Variants in VNN1 observed in about 807,000 individuals in gnomAD.
VNN1 encodes pantetheinase.
VNN1 carries 29 observed loss-of-function variants against 41.9 expected under a neutral mutation model. That is an observed-to-expected ratio of 0.69 (90% CI 0.52 to 0.94). The LOEUF is 0.94. VNN1 is among the 40% of genes least tolerant of loss of function. The pLI, the probability that VNN1 is intolerant of heterozygous loss-of-function variation, is 0.00. For synonymous variants in VNN1, 233 were observed against 224.4 expected (o/e 1.04, Z -0.34); for missense variants, 637 against 621.1 (o/e 1.03, Z -0.27).
intron 3 of VNN1, among the ~76,000 whole-genome samples, chr6:132,693,622 A>G (rs567983649): frequency 2.0e-5 from 3 of 152,298 alleles, no homozygotes; most frequent in East Asian, 3.9e-4. Flanking sequence ...CTTGGCAAGG[A>G]ACTTTGTTTG....
intron 1 of VNN1, 81 bp from the exon 2 acceptor site, chr6:132,711,920 G>A: frequency 6.7e-7 from 1 of 1,489,036 alleles, no homozygotes; most frequent in South Asian, 1.3e-5. Context: ...AACTATTTGG[G>A]CTTCCCCCAC....
chr6:132,685,909 G>A (rs1198547479), intron 5 of VNN1, among the ~76,000 whole-genome samples: 1 of 152,142 alleles, frequency 6.6e-6, no homozygotes, highest in African/African-American at 2.4e-5. Context: ...GGGATTACCT[G>A]AATAAATAAC....
intron 5 of VNN1, among the ~76,000 whole-genome samples, chr6:132,690,065 C>G (rs781742470): frequency 6.6e-5 from 10 of 152,184 alleles, no homozygotes; most frequent in Non-Finnish European, 1.5e-4. Context: ...AGACTCCATG[C>G]CCTGCTTTTA....
Position 132,683,094 on chromosome 6 carries a change from T to C in VNN1, c.*46A>G, listed in dbSNP as rs1163633390. On this transcript the variant is annotated 3_prime_UTR_variant, in exon 7 of 7. Coordinates refer to ENST00000367928, the MANE Select transcript of VNN1 (RefSeq NM_004666.3). ...GGACCAATCTTTCTTTTCTCATCCA[T>C]CATTTTTTAAATTATCCCAAATAAA... 1 of 1,535,694 alleles carries C rather than the reference T, an allele frequency of 6.5e-7. No individual in the cohort carries two copies. The highest frequency in any genetic ancestry group is 1.4e-5 in the African/African-American group (1 of 71,838).
At chr6:132,699,509 AGTTT>A (rs1241235732) in intron 2 of VNN1, 1 of 162,838 alleles carries the variant, frequency 6.1e-6, no homozygotes, top group Non-Finnish European at 1.4e-5. Context: ...TTCTGGAAAG[AGTTT>A]GTATCCAAGT....
chr6:132,694,497 A>G (rs1778339184), intron 2 of VNN1, among the ~76,000 whole-genome samples: 1 of 152,186 alleles, frequency 6.6e-6, no homozygotes, highest in African/African-American at 2.4e-5. Flanking sequence ...TCCTGTGGAT[A>G]TCATAGATCA....
chr6:132,694,118 C>G lies in VNN1; in HGVS notation c.406G>C (p.Val136Leu), dbSNP rs45610032. The G allele has an allele frequency of 1.5e-3, 2,360 of 1,614,028 alleles. 23 individuals are homozygous for G. In the African/African-American group the frequency reaches 0.026, roughly 17 times the overall value. Reference protein sequence around the residue: ...CLAKNNSIYVVANIGDKKPCD... With the variant: ...CLAKNNSIYVLANIGDKKPCD... ...GGCTTCTTGTCCCCAATATTTGCCA[C>G]AACATAGATAGAGTTGTTCTTGGCC... The change falls in exon 3 of 7, where the codon GTG (valine) becomes CTG (leucine). Residue 136 changes from valine (V) to leucine (L), a missense_variant. By Grantham distance (32) the Val-to-Leu change is conservative. Coordinates refer to ENST00000367928, the MANE Select transcript of VNN1 (RefSeq NM_004666.3).
rs189656897 is a variant in VNN1 at position 132,708,476 on chromosome 6, C to T, written c.341+3233G>A. Among the ~76,000 whole-genome samples the T allele has an allele frequency of 4.6e-3, 698 of 152,236 alleles. 5 individuals carry two copies. Among genetic ancestry groups the T allele is most frequent in the African/African-American group, 0.01 (422 of 41,536 alleles). ...AAGTGATGAGAGCCTGTTCCTTTAA[C>T]GCTCAGTCTAAGAGGTGATGTAGGT... On this transcript the variant is annotated intron_variant, in intron 2 of 6. Transcript: ENST00000367928.
intron 2 of VNN1, among the ~76,000 whole-genome samples, chr6:132,694,705 A>C (rs1319692100): frequency 2.6e-5 from 4 of 151,896 alleles, no homozygotes. Context: ...AAATGAAAAA[A>C]AAAAAAAATA....
intron 4 of VNN1, 123 bp from the exon 5 acceptor site, chr6:132,692,707 T>A: frequency 7.7e-7 from 1 of 1,304,796 alleles, no homozygotes; most frequent in South Asian, 1.8e-5. Flanking sequence ...GTTTTATTAA[T>A]TTCAGTAAAA....
Position 132,692,320 on chromosome 6 carries a change from T to C in VNN1, c.1091A>G (p.His364Arg). 1 of 1,614,230 alleles carries C rather than the reference T, an allele frequency of 6.2e-7. No individual in the cohort carries two copies. Among genetic ancestry groups the C allele is most frequent in the Non-Finnish European group, 8.5e-7 (1 of 1,180,020 alleles). Residue 364 changes from histidine to arginine, a missense_variant, in exon 5 of 7, where the codon CAT becomes CGT. Coordinates refer to ENST00000367928, the MANE Select transcript of VNN1 (RefSeq NM_004666.3). ...YTVCQKDLCC[H>R]LSYKMSENIP... ...GTTCTCAGACATTTTGTAGCTTAAA[T>C]GACAGCAGAGATCTTTCTGACAAAC... is the stretch of plus-strand genomic sequence containing the variant.
Position 132,693,368 on chromosome 6 carries a change from G to A in VNN1, c.535-53C>T, listed in dbSNP as rs184588944. ...AAAATTATTTTAGGAAGTTGATCTG[G>A]ACATCACAGTGTGGGAAAAAGTACA... On this transcript the variant is annotated intron_variant, in intron 3 of 6. Coordinates refer to ENST00000367928, the MANE Select transcript of VNN1 (RefSeq NM_004666.3). The A allele has an allele frequency of 1.3e-4, 201 of 1,494,042 alleles. No individual in the cohort carries two copies. The African/African-American group carries it at 2.7e-3, about 20-fold the overall frequency. 92.5% of individuals were successfully genotyped at this position (1,494,042 alleles called of 1,614,324 possible).
chr6:132,698,342 T>C (rs2267949), intron 2 of VNN1, among the ~76,000 whole-genome samples: 5,821 of 152,304 alleles, frequency 0.038, 191 homozygotes, highest in South Asian at 0.098. Context: ...ACATGTTAAA[T>C]ATTCAACAAA....
chr6:132,700,346 C>G (rs2840825), intron 2 of VNN1, among the ~76,000 whole-genome samples: 1 of 151,876 alleles, frequency 6.6e-6, no homozygotes, highest in Non-Finnish European at 1.5e-5. Flanking sequence ...CTGCCCAAAC[C>G]CTCTAGAGCT....
intron 6 of VNN1, among the ~76,000 whole-genome samples, chr6:132,683,852 T>C (rs9389025): frequency 6.6e-6 from 1 of 152,052 alleles, no homozygotes; most frequent in Non-Finnish European, 1.5e-5. Context: ...AGCAAGGGAT[T>C]ATTTCTGAAC....
At chr6:132,692,644 T>C in intron 4 of VNN1, 60 bp from the exon 5 acceptor site, 11 of 1,501,698 alleles carry the variant, frequency 7.3e-6, no homozygotes, top group East Asian at 6.8e-5. Flanking sequence ...GATTTCATAA[T>C]TGTTATTACT....
chr6:132,709,214 T>G (rs941080642), intron 2 of VNN1, among the ~76,000 whole-genome samples: 1 of 97,746 alleles, frequency 1.0e-5, no homozygotes, highest in Admixed American at 1.0e-4. Context: ...AGATGATAGA[T>G]AGATGATAGA....
At chr6:132,712,687 A>T (rs1037611888) in intron 1 of VNN1, among the ~76,000 whole-genome samples, 1 of 151,936 alleles carries the variant, frequency 6.6e-6, no homozygotes, top group African/African-American at 2.4e-5. Context: ...TGGTTACTTG[A>T]ACTGTCCCAT....
At position 132,681,216 on chromosome 6, in the gene VNN1, C is replaced by T. The variant is rs188311958; in HGVS notation, c.*1924G>A. 3.6e-4 allele frequency among the ~76,000 whole-genome samples: 55 copies of T among 152,272 alleles called. No individual in the cohort carries two copies. The highest frequency in any genetic ancestry group is 3.5e-4 in the Non-Finnish European group (24 of 68,034). On this transcript the variant is annotated 3_prime_UTR_variant, in exon 7 of 7. Transcript: ENST00000367928. ...ACTGTGGCTTACATCCAAGTTCCCT[C>T]GCTCTTTCTCTCATGTGCTTTCTCT...
Sources: allele counts gnomAD v4.1 joint callset (sites outside exome capture counted in the v4.1 genomes callset), GRCh38; gene constraint gnomAD v4.1.1; transcripts MANE v1.5; gene names NCBI Gene and HGNC (gene_info 2026-07-23, HGNC 2026-07-21).